Variants in TPD52L1 observed in about 807,000 individuals in gnomAD.
The protein encoded by TPD52L1 is TPD52 like 1.
TPD52L1 carries 18 observed loss-of-function variants against 28.7 expected under a neutral mutation model. The ratio of observed to expected loss-of-function variants is 0.63; its 90% CI spans 0.43 to 0.93. The LOEUF (loss-of-function observed/expected upper bound fraction) is 0.93. Ranked by LOEUF, TPD52L1 falls within the 40% of genes least tolerant of loss-of-function variation. The pLI is 0.00. For synonymous variants in TPD52L1, 75 were observed against 88.8 expected (o/e 0.84, Z 0.88); for missense variants, 203 against 254.8 (o/e 0.80, Z 1.39).
intron 1 of TPD52L1, among the ~76,000 whole-genome samples, chr6:125,162,083 T>C (rs1790555230): frequency 6.6e-6 from 1 of 152,238 alleles, no homozygotes; most frequent in South Asian, 2.1e-4. Context: ...CCTCAAACTA[T>C]GGAAGCAAGC....
At chr6:125,165,029 C>T (rs1423786185) in intron 1 of TPD52L1, among the ~76,000 whole-genome samples, 1 of 135,048 alleles carries the variant, frequency 7.4e-6, no homozygotes, top group Non-Finnish European at 1.5e-5. Flanking sequence ...AGTGGGACCA[C>T]TTGAGCTCCA....
At chr6:125,201,145 T>C (rs946288279) in intron 1 of TPD52L1, among the ~76,000 whole-genome samples, 22 of 152,186 alleles carry the variant, frequency 1.4e-4, no homozygotes, top group South Asian at 1.0e-3. Context: ...AGTCAATCTA[T>C]AGCAAGGGTC....
intron 1 of TPD52L1, among the ~76,000 whole-genome samples, chr6:125,202,520 T>G (rs919418991): frequency 3.3e-5 from 5 of 152,002 alleles, no homozygotes; most frequent in Admixed American, 6.6e-5. Flanking sequence ...ACCAAAGAAA[T>G]GAGTGGAAAA....
rs1249376310 is a variant in TPD52L1, at chr6:125,173,969, ATGT to A, written c.19+20003_19+20005del. On this transcript the variant is annotated intron_variant, in intron 1 of 6. Transcript: ENST00000534000. ...CCTAGTCTAGTGACAAAGAGCCTAC[ATGT>A]TGTCACAAAGATTTGGATTCATTTC... Among the ~76,000 whole-genome samples, 10 of 152,314 alleles carry A rather than the reference ATGT, an allele frequency of 6.6e-5. 1 individual carries two copies. The East Asian group carries it at 1.9e-3, about 29-fold the overall frequency.
chr6:125,176,752 G>A (rs1791845497), intron 1 of TPD52L1, among the ~76,000 whole-genome samples: 1 of 152,024 alleles, frequency 6.6e-6, no homozygotes. Context: ...ACTATCTCTG[G>A]CAGCCTGATG....
At chr6:125,252,047 C>G in intron 4 of TPD52L1, 1 of 1,536,104 alleles carries the variant, frequency 6.5e-7, no homozygotes, top group African/African-American at 1.4e-5. Flanking sequence ...GTAAGCGCCA[C>G]AGGGCTGCGT....
chr6:125,211,328 A>G lies in TPD52L1; in HGVS notation c.20-8750A>G, dbSNP rs141625893. On this transcript the variant is annotated intron_variant, in intron 1 of 6. Transcript: ENST00000534000. ...CTATCGTGTAACACATATGTTAAAG[A>G]TGTAAAATACCCATTGTTTTATATA... Among the ~76,000 whole-genome samples the G allele has an allele frequency of 2.0e-3, 309 of 152,046 alleles. 2 individuals are homozygous for G. The highest frequency in any genetic ancestry group is 7.1e-3 in the African/African-American group (295 of 41,510).
rs375702789 is a variant in TPD52L1, at chr6:125,154,608, C to T, written c.19+638C>T. On this transcript the variant is annotated intron_variant, in intron 1 of 6. Transcript: ENST00000534000. ...GCGGGGCCCCCGGCCGCCCAGCTCC[C>T]TGCTCCCGGGGCTGCCTGCTGGAGG... 4.3e-5 allele frequency: 38 copies of T among 891,234 alleles called. No homozygotes were observed. In the African/African-American group the frequency reaches 6.0e-4, roughly 14 times the overall value. 55.2% of individuals were successfully genotyped at this position (891,234 alleles called of 1,614,324 possible).
intron 3 of TPD52L1, among the ~76,000 whole-genome samples, chr6:125,247,250 G>T (rs1186724047): frequency 1.3e-5 from 2 of 152,088 alleles, no homozygotes; most frequent in Non-Finnish European, 2.9e-5. Flanking sequence ...TAAATCAGAA[G>T]AAGACAGCAT....
intron 2 of TPD52L1, among the ~76,000 whole-genome samples, chr6:125,225,230 T>C (rs1469128617): frequency 6.6e-6 from 1 of 152,222 alleles, no homozygotes; most frequent in Non-Finnish European, 1.5e-5. Context: ...CTACTACAAT[T>C]TGTTTATCCA....
intron 1 of TPD52L1, among the ~76,000 whole-genome samples, chr6:125,185,263 G>A (rs571682232): frequency 6.6e-6 from 1 of 152,214 alleles, no homozygotes; most frequent in South Asian, 2.1e-4. Flanking sequence ...AGGACAGAGA[G>A]GCTTTGATGA....
chr6:125,174,431 T>G (rs1004179779), intron 1 of TPD52L1, among the ~76,000 whole-genome samples: 1 of 152,048 alleles, frequency 6.6e-6, no homozygotes, highest in African/African-American at 2.4e-5. Flanking sequence ...GAAAGATGAG[T>G]AGGTTGAAGA....
intron 2 of TPD52L1, among the ~76,000 whole-genome samples, chr6:125,220,852 G>A (rs1795186660): frequency 1.3e-5 from 2 of 152,154 alleles, no homozygotes; most frequent in Admixed American, 1.3e-4. Flanking sequence ...TTGCTGACAA[G>A]CCTTTACTTT....
At chr6:125,234,729 A>C (rs182658016) in intron 3 of TPD52L1, among the ~76,000 whole-genome samples, 45 of 152,238 alleles carry the variant, frequency 3.0e-4, no homozygotes, top group Admixed American at 1.2e-3. Flanking sequence ...ATAGTTTTAT[A>C]TGATAGGGTT....
chr6:125,194,654 T>C (rs1393092454), intron 1 of TPD52L1, among the ~76,000 whole-genome samples: 2 of 152,234 alleles, frequency 1.3e-5, no homozygotes, highest in Non-Finnish European at 2.9e-5. Flanking sequence ...CTAAATCTTA[T>C]TTTAATATAT....
chr6:125,255,237 TA>T (rs1030109422), intron 5 of TPD52L1, among the ~76,000 whole-genome samples: 9 of 151,774 alleles, frequency 5.9e-5, no homozygotes, highest in Non-Finnish European at 1.2e-4. Flanking sequence ...GAAACTAACT[TA>T]AAAAAAAATT....
At chr6:125,244,116 T>C (rs190737838) in intron 3 of TPD52L1, among the ~76,000 whole-genome samples, 34 of 152,330 alleles carry the variant, frequency 2.2e-4, no homozygotes, top group Non-Finnish European at 2.8e-4. Context: ...CTTTCCCTTA[T>C]GCTGTTTGTA....
intron 3 of TPD52L1, among the ~76,000 whole-genome samples, chr6:125,239,439 C>T (rs1796487849): frequency 6.6e-6 from 1 of 152,154 alleles, no homozygotes; most frequent in South Asian, 2.1e-4. Flanking sequence ...TCTTACATGG[C>T]AGCAGGAAAG....
chr6:125,174,798 G>A (rs1469691206), intron 1 of TPD52L1, among the ~76,000 whole-genome samples: 2 of 152,180 alleles, frequency 1.3e-5, no homozygotes. Flanking sequence ...TGGCTTGGAT[G>A]TTGATGATAA....
Sources: gnomAD v4.1 joint callset for allele counts (sites outside exome capture counted in the v4.1 genomes callset) on GRCh38, gnomAD v4.1.1 for gene constraint, MANE v1.5 for transcripts, NCBI Gene and HGNC (gene_info 2026-07-23, HGNC 2026-07-21) for gene names.